The following CHST9 variants were observed in gnomAD, a reference collection of about 807,000 sequenced individuals.
The protein encoded by CHST9 is GalNAc-4-sulfotransferase 2.
A neutral mutation model predicts 44.4 loss-of-function variants in CHST9; 41 were observed. The ratio of observed to expected loss-of-function variants is 0.92; its 90% CI spans 0.72 to 1.20. The LOEUF is 1.20. Ranked by LOEUF, CHST9 falls within the 50% of genes most tolerant of loss-of-function variation. CHST9 has a pLI of 0.00. For missense variants in CHST9, 504 were observed against 516.5 expected, an observed-to-expected ratio of 0.98 and a Z score of 0.23; for synonymous variants, 171 against 178.4, an observed-to-expected ratio of 0.96 and a Z score of 0.33.
intron 4 of CHST9, among the ~76,000 whole-genome samples, chr18:27,022,326 T>C (rs10775517): frequency 0.51 from 77,003 of 151,860 alleles, 20,392 homozygotes; most frequent in East Asian, 0.73. Flanking sequence ...CTCATCTTAG[T>C]TTTTCCCCAC....
At chr18:26,975,725 G>GTATATATATATATATATATA (rs59671204) in intron 4 of CHST9, among the ~76,000 whole-genome samples, 1 of 101,840 alleles carries the variant, frequency 9.8e-6, no homozygotes, top group African/African-American at 3.7e-5. Flanking sequence ...GTGTGTGTGT[G>GTATATATATATATATATATA]TATATATATA....
Position 26,907,236 on chromosome 18 carries a change from G to T in CHST9, c.*9023C>A, listed in dbSNP as rs190526968. Reference sequence around the variant, plus strand: ...GAAGTTAATGGGCTTTCTGAATTCTGTGGCTGTGAGGAGTCAGCTTAGGGA... The same window carrying T: ...GAAGTTAATGGGCTTTCTGAATTCTTTGGCTGTGAGGAGTCAGCTTAGGGA... On this transcript the variant is annotated 3_prime_UTR_variant, in exon 6 of 6. Coordinates refer to ENST00000618847, the MANE Select transcript of CHST9 (RefSeq NM_031422.6). The T allele has an allele frequency of 2.5e-3, 376 of 152,886 alleles. No individual in the cohort carries two copies. The highest frequency in any genetic ancestry group is 7.0e-3 in the South Asian group (34 of 4,830). The allele number at this position is 152,886 out of a possible 1,614,324, so 9.5% of individuals were successfully genotyped here. A position where few individuals can be genotyped will look rare whatever the true frequency, so the allele number is the denominator to read the frequency against.
At chr18:27,088,949 A>C (rs1297603113) in intron 2 of CHST9, among the ~76,000 whole-genome samples, 1 of 152,166 alleles carries the variant, frequency 6.6e-6, no homozygotes, top group African/African-American at 2.4e-5. Flanking sequence ...AACAGAGAGG[A>C]GAAAAGGCTA....
chr18:26,945,978 G>A (rs543705234), intron 4 of CHST9, among the ~76,000 whole-genome samples: 39 of 152,256 alleles, frequency 2.6e-4, no homozygotes, highest in African/African-American at 5.5e-4. Context: ...AGTGTAAGGC[G>A]TATAGGGGAA....
At chr18:27,102,254 G>A (rs1031744478) in intron 2 of CHST9, among the ~76,000 whole-genome samples, 4 of 152,140 alleles carry the variant, frequency 2.6e-5, no homozygotes, top group Non-Finnish European at 5.9e-5. Context: ...ACTAATTTAT[G>A]GATATCCTTG....
At chr18:26,963,656 A>G (rs1192812173) in intron 4 of CHST9, among the ~76,000 whole-genome samples, 1 of 152,166 alleles carries the variant, frequency 6.6e-6, no homozygotes, top group Non-Finnish European at 1.5e-5. Context: ...TATTTTGTAA[A>G]AGTAGAATGT....
chr18:27,062,919 G>A (rs1264462133), intron 2 of CHST9, among the ~76,000 whole-genome samples: 1 of 152,166 alleles, frequency 6.6e-6, no homozygotes, highest in African/African-American at 2.4e-5. Context: ...CAGTAATGAT[G>A]AGTCAATTCT....
intron 4 of CHST9, among the ~76,000 whole-genome samples, chr18:26,995,163 C>A (rs2056870714): frequency 6.6e-6 from 1 of 151,294 alleles, no homozygotes; most frequent in African/African-American, 2.4e-5. Flanking sequence ...GTGGCTCACG[C>A]CTGTAATCCC....
chr18:26,970,190 A>G (rs1327297287), intron 4 of CHST9, among the ~76,000 whole-genome samples: 1 of 152,216 alleles, frequency 6.6e-6, no homozygotes, highest in African/African-American at 2.4e-5. Flanking sequence ...TGTGATGTTA[A>G]GCTTCTAAAA....
intron 2 of CHST9, among the ~76,000 whole-genome samples, chr18:27,093,738 C>T (rs2058090854): frequency 6.6e-6 from 1 of 152,226 alleles, no homozygotes; most frequent in African/African-American, 2.4e-5. Context: ...AGCTCGCCCT[C>T]CATGGGCTGC....
At chr18:27,002,584 T>C (rs2056966860) in intron 4 of CHST9, among the ~76,000 whole-genome samples, 2 of 152,188 alleles carry the variant, frequency 1.3e-5, no homozygotes, top group Non-Finnish European at 2.9e-5. Context: ...AGGCTTTGTG[T>C]TAGATGATTT....
chr18:27,088,389 CTT>C (rs35189657), intron 2 of CHST9, among the ~76,000 whole-genome samples: 38 of 137,298 alleles, frequency 2.8e-4, no homozygotes, highest in Non-Finnish European at 2.5e-4. Flanking sequence ...ATTATTAACA[CTT>C]TTTTTTTTTT....
chr18:27,163,514 C>A (rs1044538935), intron 1 of CHST9, among the ~76,000 whole-genome samples: 8 of 152,202 alleles, frequency 5.3e-5, no homozygotes, highest in Non-Finnish European at 1.0e-4. Flanking sequence ...TCCGCAATGG[C>A]GGGCGCCCCT....
chr18:26,952,256 G>A, intron 4 of CHST9: 1 of 526,546 alleles, frequency 1.9e-6, no homozygotes, highest in Non-Finnish European at 3.8e-6. Flanking sequence ...CTGCTGGCCT[G>A]AGATCCAGTC....
chr18:26,950,752 A>G (rs1189159720), intron 4 of CHST9, among the ~76,000 whole-genome samples: 1 of 152,196 alleles, frequency 6.6e-6, no homozygotes, highest in East Asian at 1.9e-4. Context: ...GGGAGAAAAG[A>G]CAACATATGG....
intron 1 of CHST9, among the ~76,000 whole-genome samples, chr18:27,173,712 A>C (rs1192135983): frequency 6.6e-6 from 1 of 151,932 alleles, no homozygotes; most frequent in Non-Finnish European, 1.5e-5. Context: ...TAGAGAAGAC[A>C]CTCTGTTAAT....
chr18:26,975,677 GTA>G (rs1598609057), intron 4 of CHST9, among the ~76,000 whole-genome samples: 2 of 104,100 alleles, frequency 1.9e-5, no homozygotes, highest in Admixed American at 2.0e-4. Context: ...ATAAATATAT[GTA>G]TATATGTGTG....
intron 2 of CHST9, among the ~76,000 whole-genome samples, chr18:27,081,849 G>T (rs909357662): frequency 6.6e-6 from 1 of 152,160 alleles, no homozygotes; most frequent in Admixed American, 6.5e-5. Context: ...CCTGAAAATA[G>T]TCAGAATCCT....
At chr18:27,150,672 C>T (rs1385545489) in intron 1 of CHST9, among the ~76,000 whole-genome samples, 1 of 152,156 alleles carries the variant, frequency 6.6e-6, no homozygotes, top group Non-Finnish European at 1.5e-5. Context: ...AGTGAGCAGA[C>T]TAGAATACCC....
Sources: allele counts gnomAD v4.1 joint callset (sites outside exome capture counted in the v4.1 genomes callset), GRCh38; gene constraint gnomAD v4.1.1; transcripts MANE v1.5; gene names NCBI Gene and HGNC (gene_info 2026-07-23, HGNC 2026-07-21).